Variants in NRG3 observed in about 807,000 individuals in gnomAD.
The protein encoded by NRG3 is pro-neuregulin-3, membrane-bound isoform.
In NRG3, 31 loss-of-function variants were observed where a neutral mutation model predicts 66.9. That is an observed-to-expected ratio of 0.46 (90% CI 0.35 to 0.63). The LOEUF (loss-of-function observed/expected upper bound fraction) is 0.63. Ranked by LOEUF, NRG3 falls within the 20% of genes least tolerant of loss-of-function variation. NRG3 has a pLI of 0.00. For missense variants in NRG3, 910 were observed against 878.9 expected (o/e 1.04, Z -0.45); for synonymous variants, 393 against 359.4 (o/e 1.09, Z -1.06).
chr10:82,862,908 A>G (rs1378447180), intron 3 of NRG3, among the ~76,000 whole-genome samples: 1 of 152,176 alleles, frequency 6.6e-6, no homozygotes, highest in Non-Finnish European at 1.5e-5. Flanking sequence ...TTTGTTACAT[A>G]GGTATACATG....
intron 1 of NRG3, among the ~76,000 whole-genome samples, chr10:82,198,763 T>C (rs2133442842): frequency 1.3e-5 from 2 of 151,500 alleles, no homozygotes; most frequent in Middle Eastern, 3.4e-3. Flanking sequence ...CACTGGGAGG[T>C]CAGGGTGGGC....
At chr10:82,215,634 C>T (rs997314773) in intron 1 of NRG3, among the ~76,000 whole-genome samples, 1 of 151,950 alleles carries the variant, frequency 6.6e-6, no homozygotes, top group African/African-American at 2.4e-5. Flanking sequence ...ATGGGTGAAG[C>T]AGGCATTTGC....
chr10:82,379,346 A>G (rs1003204451), intron 2 of NRG3, among the ~76,000 whole-genome samples: 10 of 152,196 alleles, frequency 6.6e-5, no homozygotes, highest in Admixed American at 1.3e-4. Flanking sequence ...TCACAGGCCC[A>G]AATAATGACA....
intron 1 of NRG3, among the ~76,000 whole-genome samples, chr10:82,100,164 A>T (rs2066639753): frequency 6.6e-6 from 1 of 152,072 alleles, no homozygotes; most frequent in Non-Finnish European, 1.5e-5. Context: ...ATGGAATAGT[A>T]AATGTTGCTT....
At chr10:81,983,155 A>T (rs2060397764) in intron 1 of NRG3, among the ~76,000 whole-genome samples, 1 of 152,284 alleles carries the variant, frequency 6.6e-6, no homozygotes, top group Admixed American at 6.5e-5. Flanking sequence ...TTGTAAATTC[A>T]CTGGCACTCC....
intron 1 of NRG3, among the ~76,000 whole-genome samples, chr10:81,957,633 C>G (rs747588295): frequency 6.6e-6 from 1 of 152,158 alleles, no homozygotes; most frequent in Non-Finnish European, 1.5e-5. Flanking sequence ...TAGGTGGTGC[C>G]TGGCATGTAC....
chr10:82,455,895 G>A (rs1394932515), intron 2 of NRG3, among the ~76,000 whole-genome samples: 1 of 152,080 alleles, frequency 6.6e-6, no homozygotes, highest in Non-Finnish European at 1.5e-5. Flanking sequence ...TGGGAGTACA[G>A]GCGTGAGCCA....
At chr10:82,210,769 T>G (rs2075355787) in intron 1 of NRG3, among the ~76,000 whole-genome samples, 1 of 152,200 alleles carries the variant, frequency 6.6e-6, no homozygotes, top group South Asian at 2.1e-4. Flanking sequence ...GAGTAGATAT[T>G]TTAAACCTTA....
chr10:82,898,798 T>C (rs1007055750), intron 4 of NRG3, among the ~76,000 whole-genome samples: 11 of 142,552 alleles, frequency 7.7e-5, no homozygotes, highest in African/African-American at 2.7e-4. Context: ...CTTGGCTCAC[T>C]GCAGCCTCTG....
At chr10:82,592,795 G>A (rs2047057262) in intron 2 of NRG3, among the ~76,000 whole-genome samples, 1 of 152,136 alleles carries the variant, frequency 6.6e-6, no homozygotes, top group African/African-American at 2.4e-5. Context: ...CCCTTGCCTG[G>A]ACATATATCT....
At chr10:82,241,160 AC>A (rs1187636364) in intron 1 of NRG3, among the ~76,000 whole-genome samples, 2 of 152,196 alleles carry the variant, frequency 1.3e-5, no homozygotes, top group African/African-American at 4.8e-5. Context: ...TTGCAAAAAA[AC>A]AACATTGCAT....
At chr10:82,749,789 G>GAA (rs575504995) in intron 3 of NRG3, among the ~76,000 whole-genome samples, 40 of 119,194 alleles carry the variant, frequency 3.4e-4, no homozygotes, top group African/African-American at 7.5e-4. Flanking sequence ...AGGAAGCACT[G>GAA]AAAAAAAAAA....
At chr10:82,569,320 A>G (rs953635741) in intron 2 of NRG3, among the ~76,000 whole-genome samples, 1 of 151,752 alleles carries the variant, frequency 6.6e-6, no homozygotes, top group Non-Finnish European at 1.5e-5. Flanking sequence ...TTTGCACCCC[A>G]GTTACTAACT....
At chr10:81,967,957 A>G (rs949592450) in intron 1 of NRG3, among the ~76,000 whole-genome samples, 1 of 152,176 alleles carries the variant, frequency 6.6e-6, no homozygotes, top group African/African-American at 2.4e-5. Context: ...CTTCTTTATT[A>G]TAGTATGTTT....
chr10:82,423,538 A>G (rs1482491772), intron 2 of NRG3, among the ~76,000 whole-genome samples: 2 of 151,294 alleles, frequency 1.3e-5, no homozygotes, highest in African/African-American at 2.4e-5. Context: ...CAAAATGGCA[A>G]TTTTTTTTTC....
At chr10:82,266,048 G>C (rs1251096094) in intron 1 of NRG3, among the ~76,000 whole-genome samples, 1 of 152,136 alleles carries the variant, frequency 6.6e-6, no homozygotes. Flanking sequence ...AGATTTTCAT[G>C]ATGGCATGCC....
chr10:82,754,497 A>G (rs1462294073), intron 3 of NRG3, among the ~76,000 whole-genome samples: 4 of 151,580 alleles, frequency 2.6e-5, no homozygotes, highest in Non-Finnish European at 4.4e-5. Context: ...GCCAGGCTAC[A>G]TAATGAGAGA....
At chr10:82,394,893 G>A (rs1193872586) in intron 2 of NRG3, among the ~76,000 whole-genome samples, 2 of 152,130 alleles carry the variant, frequency 1.3e-5, no homozygotes, top group Non-Finnish European at 2.9e-5. Context: ...CTGTGCTGCT[G>A]TGGAATGAAT....
intron 2 of NRG3, among the ~76,000 whole-genome samples, chr10:82,512,380 G>A (rs1565009648): frequency 6.6e-6 from 1 of 151,760 alleles, no homozygotes; most frequent in Non-Finnish European, 1.5e-5. Context: ...CTGCCTCCTG[G>A]GTTCAAGTGA....
Sources: allele counts gnomAD v4.1 joint callset (sites outside exome capture counted in the v4.1 genomes callset), GRCh38; gene constraint gnomAD v4.1.1; transcripts MANE v1.5; gene names NCBI Gene and HGNC (gene_info 2026-07-23, HGNC 2026-07-21).